FANCM: variants seen among roughly 807,000 people sequenced by gnomAD.
The protein encoded by FANCM is FA complementation group M.
FANCM carries 140 observed loss-of-function variants against 199.5 expected under a neutral mutation model. That is an observed-to-expected ratio of 0.70 (90% CI 0.61 to 0.81). The LOEUF is 0.81. Ranked by LOEUF, FANCM falls within the 30% of genes least tolerant of loss-of-function variation. The probability of loss-of-function intolerance (pLI) is 0.00; values close to 1 mark genes in which losing one functional copy is unlikely to be tolerated. For synonymous variants in FANCM, 840 were observed against 836.8 expected, an observed-to-expected ratio of 1.00 and a Z score of -0.07; for missense variants, 2,410 against 2,421.4, an observed-to-expected ratio of 1.00 and a Z score of 0.10.
At chr14:45,197,380 T>TG in intron 21 of FANCM, among the ~76,000 whole-genome samples, 1 of 152,160 alleles carries the variant, frequency 6.6e-6, no homozygotes, top group East Asian at 1.9e-4. Flanking sequence ...GTGTGGGAGT[T>TG]GGGCAGCCTT....
At chr14:45,171,512 A>G (rs1057055469) in intron 12 of FANCM, among the ~76,000 whole-genome samples, 2 of 151,970 alleles carry the variant, frequency 1.3e-5, no homozygotes, top group African/African-American at 4.8e-5. Flanking sequence ...AGAGTCCATT[A>G]TATTATTCTT....
chr14:45,157,843 G>A (rs1887304859), intron 8 of FANCM, among the ~76,000 whole-genome samples: 1 of 152,156 alleles, frequency 6.6e-6, no homozygotes, highest in South Asian at 2.1e-4. Context: ...GATTAAATGA[G>A]TTAACATACA....
At chr14:45,194,311 A>T (rs952946139) in intron 20 of FANCM, among the ~76,000 whole-genome samples, 1 of 151,616 alleles carries the variant, frequency 6.6e-6, no homozygotes, top group Admixed American at 6.6e-5. Context: ...TCAAAAAAAA[A>T]AAAACAAAAA....
In FANCM at chr14:45,189,212, G is replaced by A. The variant is rs7142192; in HGVS notation, c.5190G>A (p.Gln1730=). ...CAAGAGTTAATCCATTAGCAAAGCA[G>A]AGCAAACAGACATCGCTGAATTTAA... ...STPRVNPLAK[Q]SKQTSLNLKD... Residue 1730 remains glutamine, a synonymous_variant, in exon 20 of 23, where the codon CAG becomes CAA. Transcript: ENST00000267430. 2,720 of 1,614,114 alleles carry A rather than the reference G, an allele frequency of 1.7e-3. 36 individuals are homozygous for A. The African/African-American group carries it at 0.031, about 18-fold the overall frequency.
intron 20 of FANCM, chr14:45,195,542 A>G (rs753474046): frequency 2.2e-5 from 10 of 456,544 alleles, no homozygotes; most frequent in Non-Finnish European, 4.4e-5. Flanking sequence ...AGAGGAGCTC[A>G]TGGTCCACAG....
At chr14:45,199,023 C>T (rs1281184024) in intron 22 of FANCM, 88 bp downstream of exon 22, 11 of 981,718 alleles carry the variant, frequency 1.1e-5, no homozygotes, top group Admixed American at 4.7e-5. Flanking sequence ...AAAATTTAAG[C>T]GGCATCATGC....
intron 10 of FANCM, 42 bp from the exon 11 acceptor site, chr14:45,166,908 A>G (rs1360300367): frequency 9.1e-7 from 1 of 1,101,244 alleles, no homozygotes; most frequent in South Asian, 1.3e-5. Flanking sequence ...ATTGTTATTT[A>G]TAAAAGTAAT....
Position 45,176,328 on chromosome 14 carries a change from GA to G in FANCM, c.3575del (p.Asp1192ValfsTer23). 1 of 1,613,856 alleles carries G rather than the reference GA, an allele frequency of 6.2e-7. No homozygotes were observed. Among genetic ancestry groups the G allele is most frequent in the South Asian group, 1.1e-5 (1 of 91,074 alleles). On this transcript the variant is annotated frameshift_variant, in exon 14 of 23. Coordinates refer to ENST00000267430, the MANE Select transcript of FANCM (RefSeq NM_020937.4). LOFTEE classifies it high-confidence loss of function. ...GTTGGACAATAATTCTGAACTCCAA[GA>G]TCAAATCACCCGTGATGCTAATAGT... ...LLLDNNSELQ[D>X]QITRDANSFK...
rs1388054348 is a variant in FANCM, at chr14:45,181,515, C to A, written c.4308C>A (p.Asn1436Lys). The A allele has an allele frequency of 1.2e-6, 2 of 1,600,914 alleles. No individual in the cohort carries two copies. Among genetic ancestry groups the A allele is most frequent in the African/African-American group, 2.7e-5 (2 of 74,612 alleles). ...KVKRAKGNVL[N>K]SPEDQKNSEV... ...AAAGAGCAAAAGGAAATGTTTTAAA[C>A]TCTCCTGAGGTGAGTCATTCAGTAA... Residue 1436 changes from asparagine to lysine, a missense_variant, in exon 15 of 23, where the codon AAC (asparagine) becomes AAA (lysine). Transcript: ENST00000267430.
In FANCM at chr14:45,136,421, C is replaced by T. The variant is rs147395934; in HGVS notation, c.390C>T (p.Arg130=). The T allele has an allele frequency of 3.1e-6, 5 of 1,614,096 alleles. No individual in the cohort carries two copies. In the African/African-American group the frequency reaches 4.0e-5, roughly 13 times the overall value. Residue 130 remains arginine (R), a synonymous_variant, in exon 1 of 23, where the codon CGC becomes CGT. Coordinates refer to ENST00000267430, the MANE Select transcript of FANCM (RefSeq NM_020937.4). The part of the protein sequence containing the change: ...IAAVVMYNFY[R]WFPSGKVVFM... ...CCGTGGTCATGTACAATTTCTACCG[C>T]TGGTTCCCTTCAGGAAAGGTGGTCT...
In FANCM at chr14:45,148,890, T is replaced by G. The variant is rs1253579912; in HGVS notation, c.813T>G (p.Ser271=). ...NLLIGQIELR[S]EDSPDILTYS... ...TAATTGGGCAGATAGAGCTTCGTTC[T>G]GAAGATTCTCCAGATATTTTGACAT... Residue 271 remains serine (S), a synonymous_variant, in exon 4 of 23, where the codon TCT becomes TCG. Transcript: ENST00000267430. 2 of 1,612,428 alleles carry G rather than the reference T, an allele frequency of 1.2e-6. No homozygotes were observed. The highest frequency in any genetic ancestry group is 2.2e-5 in the East Asian group (1 of 44,820).
rs1274431029 is a variant in FANCM at position 45,175,208 on chromosome 14, A to G, written c.2454A>G (p.Ile818Met). 1.2e-6 allele frequency: 2 copies of G among 1,612,044 alleles called. No homozygotes were observed. Among genetic ancestry groups the G allele is most frequent in the African/African-American group, 1.3e-5 (1 of 75,016 alleles). ...TCACTCACAAGAAATCGTCATTTAT[A>G]AAGAACATAAATCAAGGCAGTTCAT... is the stretch of plus-strand genomic sequence containing the variant. ...TFITHKKSSF[I>M]KNINQGSSSS... The change falls in exon 14 of 23, where the codon ATA becomes ATG. Residue 818 changes from isoleucine to methionine, a missense_variant. Ile to Met is a conservative substitution (Grantham distance 10). Coordinates refer to ENST00000267430, the MANE Select transcript of FANCM (RefSeq NM_020937.4).
At chr14:45,148,210 C>T (rs1242935020) in intron 3 of FANCM, among the ~76,000 whole-genome samples, 1 of 151,376 alleles carries the variant, frequency 6.6e-6, no homozygotes, top group Non-Finnish European at 1.5e-5. Context: ...AACACACACA[C>T]ACACACACAC....
chr14:45,136,495 A>G lies in FANCM; in HGVS notation c.464A>G (p.Tyr155Cys), dbSNP rs1211002843. ...GTGACACAGCAGATCGAGGCTTGCT[A>G]CCAGGTGATGGGTATCCCGCAATCC... The part of the protein sequence containing the change: ...PLVTQQIEAC[Y>C]QVMGIPQSHM... Residue 155 changes from tyrosine (Y) to cysteine (C), a missense_variant, in exon 1 of 23, where the codon TAC becomes TGC. Coordinates refer to ENST00000267430, the MANE Select transcript of FANCM (RefSeq NM_020937.4). The G allele has an allele frequency of 1.2e-6, 2 of 1,613,986 alleles. No homozygotes were observed. The highest frequency in any genetic ancestry group is 8.5e-7 in the Non-Finnish European group (1 of 1,180,014).
chr14:45,153,088 C>A (rs762128822), intron 5 of FANCM, among the ~76,000 whole-genome samples: 6 of 152,132 alleles, frequency 3.9e-5, no homozygotes, highest in Non-Finnish European at 8.8e-5. Context: ...CAGTAGTCTT[C>A]ATCTCAAAGG....
chr14:45,147,281 A>C (rs1886469244), intron 3 of FANCM, among the ~76,000 whole-genome samples: 1 of 143,598 alleles, frequency 7.0e-6, no homozygotes. Context: ...CCAAGCCCTC[A>C]AAGCTTTCTT....
At chr14:45,171,255 C>G (rs987359332) in intron 12 of FANCM, among the ~76,000 whole-genome samples, 1 of 151,914 alleles carries the variant, frequency 6.6e-6, no homozygotes. Flanking sequence ...TATAAGTGTA[C>G]ACCACTGCAT....
chr14:45,171,374 T>C (rs955273187), intron 12 of FANCM, among the ~76,000 whole-genome samples: 2 of 152,122 alleles, frequency 1.3e-5, no homozygotes, highest in African/African-American at 4.8e-5. Context: ...GCTGTTTTGT[T>C]ACATGGATAA....
At chr14:45,154,859 G>A (rs1312086671) in intron 7 of FANCM, 37 bp downstream of exon 7, 1 of 1,581,082 alleles carries the variant, frequency 6.3e-7, no homozygotes, top group Non-Finnish European at 8.6e-7. Flanking sequence ...ATTGTGTTGT[G>A]TTTCTTAATC....
Sources: gnomAD v4.1 joint callset for allele counts (sites outside exome capture counted in the v4.1 genomes callset) on GRCh38, gnomAD v4.1.1 for gene constraint, MANE v1.5 for transcripts, NCBI Gene and HGNC (gene_info 2026-07-23, HGNC 2026-07-21) for gene names.